DMD: variants seen among roughly 807,000 people sequenced by gnomAD.
The protein encoded by DMD is mutant dystrophin.
DMD carries 63 observed loss-of-function variants against 330.1 expected under a neutral mutation model. The observed-to-expected ratio is 0.19, with a 90% CI of 0.16 to 0.24. The LOEUF (loss-of-function observed/expected upper bound fraction) is 0.24. Ranked by LOEUF, DMD falls within the 10% of genes least tolerant of loss-of-function variation. DMD has a pLI of 1.00. For missense variants in DMD, 3,344 were observed against 2,684.1 expected (o/e 1.25, Z -5.43); for synonymous variants, 1,223 against 959.8 (o/e 1.27, Z -5.07).
chrX:31,639,881 T>G (rs149494811), intron 54 of DMD, among the ~76,000 whole-genome samples: 4,740 of 110,865 alleles, frequency 0.043, 100 homozygotes, highest in Non-Finnish European at 0.05. Flanking sequence ...GCATTGGGTC[T>G]GAGAAGTTTG....
intron 60 of DMD, among the ~76,000 whole-genome samples, chrX:31,351,159 T>TACACACACACACACACACAC (rs3061695): frequency 9.5e-6 from 1 of 105,094 alleles, no homozygotes; most frequent in African/African-American, 3.5e-5. Context: ...CATACATATA[T>TACACACACACACACACACAC]ACACACACAC....
chrX:32,826,512 CG>C (rs1252330222), intron 4 of DMD, among the ~76,000 whole-genome samples: 1 of 111,173 alleles, frequency 9.0e-6, no homozygotes, highest in Non-Finnish European at 1.9e-5. Context: ...GAATACTACT[CG>C]GACTTAAAAA....
chrX:32,973,465 CAT>C (rs1363635659), intron 2 of DMD, among the ~76,000 whole-genome samples: 1 of 111,802 alleles, frequency 8.9e-6, no homozygotes, highest in Admixed American at 9.6e-5. Context: ...CATAAAAGAC[CAT>C]ATGACTACTA....
intron 2 of DMD, among the ~76,000 whole-genome samples, chrX:32,962,484 G>C (rs2091938769): frequency 9.0e-6 from 1 of 111,408 alleles, no homozygotes; most frequent in Non-Finnish European, 1.9e-5. Context: ...AAACTGGCCT[G>C]TTTATTACTC....
At chrX:32,206,113 T>G (rs1214245784) in intron 44 of DMD, 2 of 516,582 alleles carry the variant, frequency 3.9e-6, no homozygotes, top group East Asian at 7.1e-5. Context: ...AAAGTAACAC[T>G]GGCAGCTTTG....
At chrX:32,725,359 T>C (rs1358100886) in intron 7 of DMD, among the ~76,000 whole-genome samples, 3 of 110,924 alleles carry the variant, frequency 2.7e-5, no homozygotes, top group Admixed American at 9.7e-5. Context: ...CATGCATGTG[T>C]TTATATACAT....
Position 31,321,605 on chromosome X carries a change from A to AG in DMD, c.9224+1992_9224+1993insC, listed in dbSNP as rs1430360681. ...TCTCAAAAAAAAAAAAAAAAAAAAA[A>AG]AAAAAGAAAGAAACCAAGATTTTTA... On this transcript the variant is annotated intron_variant, in intron 62 of 78. Transcript: ENST00000357033. 1.4e-4 allele frequency among the ~76,000 whole-genome samples: 13 copies of AG among 94,052 alleles called. 1 individual carries two copies. The highest frequency in any genetic ancestry group is 6.6e-4 in the African/African-American group (13 of 19,785). The allele number at this position is 94,052 out of a possible 115,157, so 81.7% of individuals were successfully genotyped here.
intron 4 of DMD, among the ~76,000 whole-genome samples, chrX:32,844,442 G>T (rs1335857208): frequency 2.8e-5 from 3 of 106,414 alleles, no homozygotes; most frequent in Non-Finnish European, 5.8e-5. Flanking sequence ...GAAAAGAAAA[G>T]AAAAAAGAAA....
In DMD at chrX:32,573,579, G is replaced by A. The variant is rs747599369; in HGVS notation, c.1763C>T (p.Thr588Ile). Residue 588 changes from threonine (T) to isoleucine (I), a missense_variant, in exon 15 of 79, where the codon ACT (threonine) becomes ATT (isoleucine). By Grantham distance (89) the Thr-to-Ile change is moderately conservative. Transcript: ENST00000357033. ...CATTTCATTTTGATCTTTAAAGCCA[G>A]TTGTGTGAATCTTGTTCACTGCATC... ...KEDAVNKIHT[T>I]GFKDQNEMLS... The A allele has an allele frequency of 8.3e-7, 1 of 1,212,007 alleles. No individual in the cohort carries two copies. The highest frequency in any genetic ancestry group is 3.0e-5 in the East Asian group (1 of 33,845).
intron 16 of DMD, among the ~76,000 whole-genome samples, chrX:32,548,999 T>G (rs928576989): frequency 8.9e-6 from 1 of 112,063 alleles, no homozygotes; most frequent in African/African-American, 3.2e-5. Flanking sequence ...TCATTTTGAT[T>G]ATGAGTCTAT....
intron 49 of DMD, among the ~76,000 whole-genome samples, chrX:31,827,182 T>C (rs1427222652): frequency 8.9e-6 from 1 of 111,995 alleles, no homozygotes; most frequent in East Asian, 2.8e-4. Flanking sequence ...TTATATATTA[T>C]ATGCTTGTAT....
chrX:32,892,433 G>T (rs2085300752), intron 2 of DMD, among the ~76,000 whole-genome samples: 2 of 111,505 alleles, frequency 1.8e-5, no homozygotes, highest in African/African-American at 6.5e-5. Flanking sequence ...TACTCTTTTT[G>T]CCCAGGCTGG....
At position 32,454,654 on chromosome X, in the gene DMD, T is replaced by C. The variant is rs193249735; in HGVS notation, c.3603+8A>G. The C allele has an allele frequency of 1.3e-3, 1,450 of 1,158,149 alleles. 22 individuals carry two copies. The African/African-American group carries it at 0.023, about 19-fold the overall frequency. ...TGTTTTACTTAGTTTTTCTTTTTTT[T>C]TTTTTACCTTCATCTCTTCAACTGC... On this transcript the variant is annotated splice_region_variant and intron_variant, in intron 26 of 78. Coordinates refer to ENST00000357033, the MANE Select transcript of DMD (RefSeq NM_004006.3).
At chrX:32,690,750 T>A (rs1333282303) in intron 9 of DMD, among the ~76,000 whole-genome samples, 4 of 111,123 alleles carry the variant, frequency 3.6e-5, no homozygotes, top group African/African-American at 6.6e-5. Flanking sequence ...GAAAGGATAA[T>A]CTCTTCAACA....
intron 45 of DMD, among the ~76,000 whole-genome samples, chrX:31,940,661 G>T (rs1369929229): frequency 1.0e-5 from 1 of 99,991 alleles, no homozygotes; most frequent in Non-Finnish European, 2.0e-5. Context: ...TTTCTATTAT[G>T]TTAAGCCACT....
At chrX:33,257,528 C>T (rs1359817835) in intron 1 of DMD, among the ~76,000 whole-genome samples, 2 of 111,024 alleles carry the variant, frequency 1.8e-5, no homozygotes, top group Admixed American at 9.6e-5. Flanking sequence ...GTCACATATA[C>T]GTTATTAAAT....
Position 31,471,510 on chromosome X carries a change from G to A in DMD, c.8937+6596C>T, listed in dbSNP as rs547683897. Among the ~76,000 whole-genome samples the A allele has an allele frequency of 3.8e-4, 43 of 111,879 alleles. 2 individuals carry two copies. The South Asian group carries it at 0.013, about 35-fold the overall frequency. The stretch of plus-strand genomic sequence containing the variant: ...CTAACCAGTCCCAGTGAGATGAGCC[G>A]GGTACTGCAGTTGGAAATGCAGAAA... On this transcript the variant is annotated intron_variant, in intron 59 of 78. Transcript: ENST00000357033.
At chrX:31,968,260 C>A (rs2095368537) in intron 45 of DMD, 79 bp downstream of exon 45, 1 of 1,114,788 alleles carries the variant, frequency 9.0e-7, no homozygotes, top group African/African-American at 1.8e-5. Context: ...TGCTTATAAT[C>A]TCTCATGAAA....
At chrX:31,199,996 G>A (rs769931092) in intron 67 of DMD, among the ~76,000 whole-genome samples, 1 of 112,041 alleles carries the variant, frequency 8.9e-6, no homozygotes, top group East Asian at 2.8e-4. Context: ...AGTGCACCTG[G>A]CCGAGGAAAA....
Sources: allele counts gnomAD v4.1 joint callset (sites outside exome capture counted in the v4.1 genomes callset), GRCh38; gene constraint gnomAD v4.1.1; transcripts MANE v1.5; gene names NCBI Gene and HGNC (gene_info 2026-07-23, HGNC 2026-07-21).